PTPRO: variants seen among roughly 807,000 people sequenced by gnomAD.
PTPRO encodes the protein receptor-type tyrosine-protein phosphatase O.
In PTPRO, 62 loss-of-function variants were observed where a neutral mutation model predicts 145.2. The ratio of observed to expected loss-of-function variants is 0.43; its 90% CI spans 0.35 to 0.53. The LOEUF (loss-of-function observed/expected upper bound fraction) is 0.53. PTPRO is among the 20% of genes least tolerant of loss of function. The probability of loss-of-function intolerance (pLI) is 0.01; values close to 1 mark genes in which losing one functional copy is unlikely to be tolerated. For missense variants in PTPRO, 1,345 were observed against 1,482.7 expected (o/e 0.91, Z 1.53); for synonymous variants, 565 against 514.7 (o/e 1.10, Z -1.32).
At chr12:15,417,639 AT>A in intron 1 of PTPRO, among the ~76,000 whole-genome samples, 1 of 151,788 alleles carries the variant, frequency 6.6e-6, no homozygotes, top group Admixed American at 6.5e-5. Flanking sequence ...TACACGCATT[AT>A]GTTTAAGAAG....
At chr12:15,569,881 T>A (rs536440322) in intron 19 of PTPRO, among the ~76,000 whole-genome samples, 21 of 152,142 alleles carry the variant, frequency 1.4e-4, no homozygotes, top group Non-Finnish European at 2.6e-4. Flanking sequence ...TAGGCCACAG[T>A]AGTGGCGGAT....
intron 2 of PTPRO, among the ~76,000 whole-genome samples, chr12:15,484,995 A>G (rs1941856874): frequency 6.6e-6 from 1 of 152,154 alleles, no homozygotes; most frequent in Non-Finnish European, 1.5e-5. Context: ...TATCACTAGC[A>G]CAATATAATG....
intron 1 of PTPRO, among the ~76,000 whole-genome samples, chr12:15,470,945 A>G (rs912245797): frequency 2.6e-5 from 4 of 152,130 alleles, no homozygotes; most frequent in African/African-American, 4.8e-5. Flanking sequence ...GTGCTTTTTA[A>G]TGATGTTCTT....
intron 11 of PTPRO, 79 bp from the exon 12 acceptor site, chr12:15,526,063 T>G (rs1400586133): frequency 4.5e-6 from 7 of 1,540,930 alleles, no homozygotes; most frequent in Non-Finnish European, 5.4e-6. Context: ...ATGTGTCTGC[T>G]ATAGTCCTTT....
At chr12:15,499,405 G>T in intron 3 of PTPRO, 37 bp from the exon 4 acceptor site, 1 of 1,591,220 alleles carries the variant, frequency 6.3e-7, no homozygotes, top group South Asian at 1.1e-5. Context: ...ATGTTTAGAA[G>T]ACCATATTTT....
chr12:15,369,640 T>C (rs1189888119), intron 1 of PTPRO, among the ~76,000 whole-genome samples: 3 of 152,232 alleles, frequency 2.0e-5, no homozygotes, highest in African/African-American at 7.2e-5. Context: ...TCAAGCTTTT[T>C]ATGGAACTAA....
At chr12:15,497,528 T>G (rs1942132611) in intron 3 of PTPRO, 125 bp downstream of exon 3, 1 of 1,009,840 alleles carries the variant, frequency 9.9e-7, no homozygotes, top group Non-Finnish European at 1.5e-6. Context: ...AAATGAGCCA[T>G]TAAAAATAAT....
intron 17 of PTPRO, among the ~76,000 whole-genome samples, chr12:15,561,018 G>A (rs11056559): frequency 0.056 from 8,492 of 152,050 alleles, 768 homozygotes; most frequent in African/African-American, 0.19. Flanking sequence ...AATATGTAAT[G>A]ATAACAGTAA....
At chr12:15,547,848 C>T (rs761831046) in intron 13 of PTPRO, among the ~76,000 whole-genome samples, 1 of 152,086 alleles carries the variant, frequency 6.6e-6, no homozygotes, top group Non-Finnish European at 1.5e-5. Context: ...ATGCTGATGG[C>T]TCTCATTTCT....
At chr12:15,373,044 T>G (rs1284548553) in intron 1 of PTPRO, among the ~76,000 whole-genome samples, 1 of 152,154 alleles carries the variant, frequency 6.6e-6, no homozygotes, top group Non-Finnish European at 1.5e-5. Context: ...AGGCAGCAAT[T>G]AGTGTTTCCA....
At chr12:15,576,906 C>T (rs1285004711) in intron 19 of PTPRO, among the ~76,000 whole-genome samples, 1 of 152,054 alleles carries the variant, frequency 6.6e-6, no homozygotes, top group Admixed American at 6.6e-5. Context: ...AGGTAGATTT[C>T]TGAAATAATT....
At chr12:15,439,068 T>C (rs1036405126) in intron 1 of PTPRO, among the ~76,000 whole-genome samples, 6 of 152,154 alleles carry the variant, frequency 3.9e-5, no homozygotes, top group Admixed American at 6.5e-5. Flanking sequence ...ATCAGGCTAA[T>C]AGAGGACTTA....
chr12:15,565,558 C>G (rs1419848632), intron 17 of PTPRO, 35 bp from the exon 18 acceptor site: 1 of 1,342,220 alleles, frequency 7.5e-7, no homozygotes, highest in African/African-American at 1.4e-5. Flanking sequence ...ATTCTTCTGC[C>G]CAGATAAATT....
intron 23 of PTPRO, among the ~76,000 whole-genome samples, chr12:15,585,112 G>A (rs186629647): frequency 8.5e-5 from 13 of 152,286 alleles, no homozygotes; most frequent in Non-Finnish European, 1.2e-4. Flanking sequence ...ATGATTTCCT[G>A]ATTTTAAATC....
At chr12:15,396,851 G>C (rs1939356423) in intron 1 of PTPRO, among the ~76,000 whole-genome samples, 1 of 152,074 alleles carries the variant, frequency 6.6e-6, no homozygotes, top group South Asian at 2.1e-4. Flanking sequence ...CTTCCCATGG[G>C]AAGTCTAACA....
chr12:15,367,166 A>G (rs970770212), intron 1 of PTPRO, among the ~76,000 whole-genome samples: 1 of 152,234 alleles, frequency 6.6e-6, no homozygotes, highest in African/African-American at 2.4e-5. Flanking sequence ...ATGAAAATAC[A>G]TACAATCTTT....
At chr12:15,580,208 A>G in intron 21 of PTPRO, 93 bp downstream of exon 21, 1 of 972,476 alleles carries the variant, frequency 1.0e-6, no homozygotes. Flanking sequence ...TTCAAAAGAG[A>G]GCCTTTCCCA....
At chr12:15,388,353 C>A (rs1939089006) in intron 1 of PTPRO, among the ~76,000 whole-genome samples, 2 of 152,108 alleles carry the variant, frequency 1.3e-5, no homozygotes, top group Non-Finnish European at 2.9e-5. Context: ...TAGCCACTCA[C>A]CCACCCTGAG....
chr12:15,350,228 A>G (rs144582558), intron 1 of PTPRO, among the ~76,000 whole-genome samples: 1 of 152,286 alleles, frequency 6.6e-6, no homozygotes, highest in Non-Finnish European at 1.5e-5. Context: ...GGCTCAGCCT[A>G]ACACCAACGC....
Sources: allele counts gnomAD v4.1 joint callset (sites outside exome capture counted in the v4.1 genomes callset), GRCh38; gene constraint gnomAD v4.1.1; transcripts MANE v1.5; gene names NCBI Gene and HGNC (gene_info 2026-07-23, HGNC 2026-07-21).